Variants in CACNA1B observed in about 807,000 individuals in gnomAD.
CACNA1B encodes the protein calcium voltage-gated channel subunit alpha1 B, also known as voltage-dependent N-type calcium channel subunit alpha-1B.
CACNA1B carries 70 observed loss-of-function variants against 247.2 expected under a neutral mutation model. The observed-to-expected ratio is 0.28, with a 90% CI of 0.23 to 0.35. The LOEUF (loss-of-function observed/expected upper bound fraction) is 0.35, where lower values mean the gene tolerates loss of function less well. CACNA1B is among the 10% of genes least tolerant of loss of function. The pLI, the probability that CACNA1B is intolerant of heterozygous loss-of-function variation, is 1.00. For missense variants in CACNA1B, 2,367 were observed against 3,197.4 expected (o/e 0.74, Z 6.26); for synonymous variants, 1,231 against 1,294.4 (o/e 0.95, Z 1.05).
intron 25 of CACNA1B, 86 bp from the exon 26 acceptor site, chr9:138,053,760 C>CTCCTG: frequency 9.9e-7 from 1 of 1,014,062 alleles, no homozygotes; most frequent in Non-Finnish European, 1.5e-6. Flanking sequence ...TCCACCCCTC[C>CTCCTG]CCGTGACCCT....
Position 137,971,700 on chromosome 9 carries a change from C to T in CACNA1B, c.1543+108C>T. 3 of 892,434 alleles carry T rather than the reference C, an allele frequency of 3.4e-6. No homozygotes were observed. Among genetic ancestry groups the T allele is most frequent in the Non-Finnish European group, 1.7e-6 (1 of 575,086 alleles). 55.3% of individuals were successfully genotyped at this position (892,434 alleles called of 1,614,324 possible). On this transcript the variant is annotated intron_variant, in intron 11 of 46. Transcript: ENST00000371372. This position sits in a 1 kb window ranked among gnomAD's most constrained non-coding sequence, Gnocchi z 4.4. ...ACCCCAGGTGGGACGGGACCCACCCCCATGTTGCTCAAAGTATCCCACAGC... is the reference window on the plus strand; with the variant it reads ...ACCCCAGGTGGGACGGGACCCACCCTCATGTTGCTCAAAGTATCCCACAGC...
chr9:138,022,087 T>C (rs1288036297), intron 18 of CACNA1B, among the ~76,000 whole-genome samples: 2 of 152,194 alleles, frequency 1.3e-5, no homozygotes, highest in Non-Finnish European at 2.9e-5. Flanking sequence ...GAGGAGGTGC[T>C]TGGGCCCATG....
intron 36 of CACNA1B, among the ~76,000 whole-genome samples, chr9:138,090,055 C>T (rs1564281292): frequency 6.6e-6 from 1 of 152,134 alleles, no homozygotes; most frequent in Non-Finnish European, 1.5e-5. Flanking sequence ...ATACCAATGA[C>T]ATTCTTCATA....
At chr9:138,101,172 A>G (rs1344084558) in intron 37 of CACNA1B, 1 of 532,968 alleles carries the variant, frequency 1.9e-6, no homozygotes, top group East Asian at 5.5e-5. Context: ...GGCTTAGGGA[A>G]GAACTGCCCT....
chr9:137,914,875 G>A lies in CACNA1B; in HGVS notation c.775+69G>A, dbSNP rs929113051. On this transcript the variant is annotated intron_variant, in intron 5 of 46. Coordinates refer to ENST00000371372, the MANE Select transcript of CACNA1B (RefSeq NM_000718.4). The surrounding 1 kb of genome is among the most constrained non-coding windows in gnomAD (Gnocchi z 4.3). ...TGCGTTCATCCAGGAGATGGGCACT[G>A]TTCTAGGTGCTAGAGGGGCCTTCTT... 54 of 1,558,658 alleles carry A rather than the reference G, an allele frequency of 3.5e-5. No individual in the cohort carries two copies. The highest frequency in any genetic ancestry group is 4.5e-5 in the Non-Finnish European group (52 of 1,148,042).
intron 6 of CACNA1B, among the ~76,000 whole-genome samples, chr9:137,920,644 T>C (rs1957466941): frequency 6.6e-6 from 1 of 152,220 alleles, no homozygotes; most frequent in Admixed American, 6.5e-5. Flanking sequence ...AATGACCATG[T>C]TTGGAGGCGC....
At chr9:138,103,945 G>T (rs1271722801) in intron 38 of CACNA1B, among the ~76,000 whole-genome samples, 2 of 152,344 alleles carry the variant, frequency 1.3e-5, no homozygotes, top group Admixed American at 6.5e-5. Flanking sequence ...CCTGCATTGT[G>T]CCTGCCTGGG....
At chr9:138,028,460 A>G (rs924833747) in intron 20 of CACNA1B, among the ~76,000 whole-genome samples, 2 of 152,252 alleles carry the variant, frequency 1.3e-5, no homozygotes, top group South Asian at 2.1e-4. Flanking sequence ...TGCTTCACAT[A>G]TTGTTTCCTG....
At chr9:137,940,863 A>G (rs1299933407) in intron 6 of CACNA1B, among the ~76,000 whole-genome samples, 2 of 152,202 alleles carry the variant, frequency 1.3e-5, no homozygotes, top group African/African-American at 4.8e-5. Flanking sequence ...AAAATTCAGC[A>G]TCCTTTATGA....
chr9:137,904,248 T>C (rs1588994893), intron 3 of CACNA1B, among the ~76,000 whole-genome samples: 1 of 152,032 alleles, frequency 6.6e-6, no homozygotes, highest in Admixed American at 6.6e-5. Context: ...AAACCCAGAG[T>C]GCTGGGCCCT....
intron 15 of CACNA1B, among the ~76,000 whole-genome samples, chr9:138,001,628 CTAT>C (rs1448027993): frequency 6.6e-6 from 1 of 151,812 alleles, no homozygotes. Flanking sequence ...TAGAAAAAAA[CTAT>C]TATTATTTGC....
chr9:138,120,119 G>A (rs891388573), intron 44 of CACNA1B, 46 bp from the exon 45 acceptor site: 12 of 1,497,560 alleles, frequency 8.0e-6, no homozygotes, highest in African/African-American at 1.4e-5. Flanking sequence ...CATTCCCGCT[G>A]ACCCTGGTGC....
intron 5 of CACNA1B, among the ~76,000 whole-genome samples, chr9:137,916,853 G>A: frequency 7.1e-6 from 1 of 141,220 alleles, no homozygotes. Context: ...GTTTGGCTGT[G>A]AGGGAGAGGA....
At chr9:138,015,552 T>C (rs1156259527) in intron 18 of CACNA1B, among the ~76,000 whole-genome samples, 1 of 146,814 alleles carries the variant, frequency 6.8e-6, no homozygotes, top group Non-Finnish European at 1.5e-5. Flanking sequence ...AGCAGTGCCC[T>C]TGAGTACCCT....
chr9:138,120,236 T>C lies in CACNA1B; in HGVS notation c.6102T>C (p.Leu2034=), dbSNP rs1184246117. Residue 2034 remains leucine (L), a synonymous_variant, in exon 45 of 47, where the codon CTT becomes CTC. Coordinates refer to ENST00000371372, the MANE Select transcript of CACNA1B (RefSeq NM_000718.4). ...CCCAGCGGCCCCGTGGGACTCATCT[T>C]TGCAGCACCACCCCGGACCGCCCAC... ...TLAQRPRGTH[L]CSTTPDRPPP... 2 of 1,607,816 alleles carry C rather than the reference T, an allele frequency of 1.2e-6. No individual in the cohort carries two copies. Among genetic ancestry groups the C allele is most frequent in the South Asian group, 2.2e-5 (2 of 89,608 alleles).
chr9:137,903,976 G>A (rs1564882699), intron 3 of CACNA1B, among the ~76,000 whole-genome samples: 2 of 152,194 alleles, frequency 1.3e-5, no homozygotes, highest in East Asian at 1.9e-4. Context: ...GTAGAGCTGG[G>A]CAGCGCTTTG....
intron 20 of CACNA1B, among the ~76,000 whole-genome samples, chr9:138,030,585 T>C (rs1564247814): frequency 6.6e-6 from 1 of 152,320 alleles, no homozygotes; most frequent in African/African-American, 2.4e-5. Flanking sequence ...CAGAGTAATA[T>C]TGGATTCATA....
intron 36 of CACNA1B, among the ~76,000 whole-genome samples, chr9:138,085,626 A>C (rs1960669823): frequency 6.6e-6 from 1 of 151,254 alleles, no homozygotes; most frequent in East Asian, 2.0e-4. Context: ...AATTCTAAAA[A>C]CAGCAAGAGA....
In CACNA1B at chr9:138,100,529, GA is replaced by G. The variant is rs1349119052; in HGVS notation, c.5223-2179del. On this transcript the variant is annotated intron_variant, in intron 37 of 46. Transcript: ENST00000371372. The surrounding 1 kb of genome is among the most constrained non-coding windows in gnomAD (Gnocchi z 4.6). ...TCCTGTTTCTTCCCTTTTACAGAAG[GA>G]AATTCAACATGATTTGGAGCTGATT... Among the ~76,000 whole-genome samples, 1 of 152,152 alleles carries G rather than the reference GA, an allele frequency of 6.6e-6. No homozygotes were observed. The highest frequency in any genetic ancestry group is 1.9e-4 in the East Asian group (1 of 5,188).
Sources: allele counts gnomAD v4.1 joint callset (sites outside exome capture counted in the v4.1 genomes callset), GRCh38; gene constraint gnomAD v4.1.1; non-coding constraint Gnocchi (gnomAD v3.1); transcripts MANE v1.5; gene names NCBI Gene and HGNC (gene_info 2026-07-23, HGNC 2026-07-21).